EIPR1: variants seen among roughly 807,000 people sequenced by gnomAD.
EIPR1 encodes the protein EARP and GARP complex-interacting protein 1.
A neutral mutation model predicts 48.1 loss-of-function variants in EIPR1; 25 were observed. The observed-to-expected ratio is 0.52, with a 90% CI of 0.38 to 0.73. The LOEUF (loss-of-function observed/expected upper bound fraction) is 0.73, where lower values mean the gene tolerates loss of function less well. Ranked by LOEUF, EIPR1 falls within the 30% of genes least tolerant of loss-of-function variation. EIPR1 has a pLI of 0.00. For synonymous variants in EIPR1, 204 were observed against 201.9 expected (o/e 1.01, Z -0.09); for missense variants, 415 against 506.2 (o/e 0.82, Z 1.73).
rs33999546 is a variant in EIPR1, at chr2:3,306,959, A to AT, written c.259+31057dup. On this transcript the variant is annotated intron_variant, in intron 3 of 8. Transcript: ENST00000382125. The stretch of plus-strand genomic sequence containing the variant: ...TACGGTTTCAAACTCCAATCTTTTT[A>AT]TTTTTTTTTTAATTTATTTATTTTT... Among the ~76,000 whole-genome samples the AT allele has an allele frequency of 1.3e-3, 202 of 150,268 alleles. 1 individual carries two copies. The highest frequency in any genetic ancestry group is 4.0e-3 in the African/African-American group (165 of 40,912).
At chr2:3,269,480 G>GTCATCGCACTCAATCATCGCACTCAA (rs77134754) in intron 3 of EIPR1, among the ~76,000 whole-genome samples, 2,067 of 30,874 alleles carry the variant, frequency 0.067, 293 homozygotes, top group East Asian at 0.088. Flanking sequence ...ATCGCACTCA[G>GTCATCGCACTCAATCATCGCACTCAA]TCATCGCACT....
At chr2:3,318,605 A>G (rs1227193526) in intron 3 of EIPR1, among the ~76,000 whole-genome samples, 2 of 152,196 alleles carry the variant, frequency 1.3e-5, no homozygotes, top group Non-Finnish European at 2.9e-5. Flanking sequence ...CCTCATTTCC[A>G]TAACACAACT....
intron 1 of EIPR1, among the ~76,000 whole-genome samples, chr2:3,363,460 C>A (rs1469072181): frequency 6.6e-6 from 1 of 152,144 alleles, no homozygotes; most frequent in Non-Finnish European, 1.5e-5. Flanking sequence ...CTGACGGAGG[C>A]CAAGGTGGGC....
intron 4 of EIPR1, among the ~76,000 whole-genome samples, chr2:3,244,712 G>A (rs1666742345): frequency 6.6e-6 from 1 of 152,174 alleles, no homozygotes; most frequent in Non-Finnish European, 1.5e-5. Context: ...CCTTGATCGT[G>A]GACTTCCCAA....
intron 1 of EIPR1, among the ~76,000 whole-genome samples, chr2:3,356,440 C>T (rs1295610159): frequency 6.6e-6 from 1 of 152,102 alleles, no homozygotes; most frequent in Non-Finnish European, 1.5e-5. Flanking sequence ...GAATCTGAGG[C>T]TTAGAGGAAA....
intron 3 of EIPR1, among the ~76,000 whole-genome samples, chr2:3,311,013 T>C: frequency 6.6e-6 from 1 of 152,202 alleles, no homozygotes; most frequent in East Asian, 1.9e-4. Context: ...GTCTCTGAAC[T>C]TCCTATTTTC....
At position 3,241,359 on chromosome 2, in the gene EIPR1, T is replaced by G. The variant is rs571678638; in HGVS notation, c.416+15940A>C. Among the ~76,000 whole-genome samples, 4 of 152,366 alleles carry G rather than the reference T, an allele frequency of 2.6e-5. No individual in the cohort carries two copies. The South Asian group carries it at 8.3e-4, about 32-fold the overall frequency. On this transcript the variant is annotated intron_variant, in intron 4 of 8. Transcript: ENST00000382125. ...TCACTATTTATCCATGGGTGATACA[T>G]CTGGAAATAACTGCTGTTATTTTAT...
chr2:3,377,281 C>G (rs530516771), intron 1 of EIPR1: 25 of 249,954 alleles, frequency 1.0e-4, no homozygotes, highest in African/African-American at 5.3e-4. Flanking sequence ...TAAATTGTTT[C>G]AAAATCAAAC....
chr2:3,295,972 T>TAC (rs1668568430), intron 3 of EIPR1, among the ~76,000 whole-genome samples: 2 of 62,088 alleles, frequency 3.2e-5, no homozygotes, highest in African/African-American at 6.6e-5. Flanking sequence ...ATCCTCTCTC[T>TAC]GCACACACAC....
At chr2:3,327,263 A>C (rs1669725696) in intron 3 of EIPR1, among the ~76,000 whole-genome samples, 1 of 152,178 alleles carries the variant, frequency 6.6e-6, no homozygotes, top group African/African-American at 2.4e-5. Context: ...AGCCTACTGC[A>C]ACCGCCACCT....
chr2:3,189,529 A>G lies in EIPR1; in HGVS notation c.990-21T>C. On this transcript the variant is annotated intron_variant, in intron 8 of 8. Coordinates refer to ENST00000382125, the MANE Select transcript of EIPR1 (RefSeq NM_003310.5). The surrounding 1 kb of genome is among the most constrained non-coding windows in gnomAD (Gnocchi z 4.6). The stretch of plus-strand genomic sequence containing the variant: ...TGCTCCTGCAATGCAACAGAGGCAG[A>G]CGTGAGCGCAGCAGCTCCGGCGGGG... 1 of 1,532,614 alleles carries G rather than the reference A, an allele frequency of 6.5e-7. No individual in the cohort carries two copies. The allele number at this position is 1,532,614 out of a possible 1,614,324, so 94.9% of individuals were successfully genotyped here. A position where few individuals can be genotyped will look rare whatever the true frequency, so the allele number is the denominator to read the frequency against.
intron 5 of EIPR1, chr2:3,208,839 CTG>C (rs1331522600): frequency 3.9e-6 from 6 of 1,550,398 alleles, no homozygotes; most frequent in Non-Finnish European, 3.5e-6. Context: ...GTGCAGGTGT[CTG>C]GGGCCATCCC....
At chr2:3,256,985 G>A (rs1667176252) in intron 4 of EIPR1, among the ~76,000 whole-genome samples, 1 of 152,218 alleles carries the variant, frequency 6.6e-6, no homozygotes, top group Non-Finnish European at 1.5e-5. Flanking sequence ...TGCTGACCAA[G>A]CTGAAAAGCC....
chr2:3,365,447 G>A (rs1355487715), intron 1 of EIPR1, among the ~76,000 whole-genome samples: 2 of 151,770 alleles, frequency 1.3e-5, no homozygotes, highest in African/African-American at 4.8e-5. Context: ...ACTACAGCCT[G>A]GTCAACAGAG....
chr2:3,239,294 C>G (rs1207536760), intron 4 of EIPR1, among the ~76,000 whole-genome samples: 1 of 152,172 alleles, frequency 6.6e-6, no homozygotes, highest in East Asian at 1.9e-4. Flanking sequence ...GAAAAGCAAA[C>G]AAAACCCCAC....
chr2:3,360,704 C>T (rs975691068), intron 1 of EIPR1, among the ~76,000 whole-genome samples: 15 of 152,170 alleles, frequency 9.9e-5, no homozygotes, highest in African/African-American at 3.6e-4. Context: ...GGTAGCAAAC[C>T]GTGTCCATTA....
intron 4 of EIPR1, among the ~76,000 whole-genome samples, chr2:3,235,447 C>CGT (rs1558241307): frequency 7.0e-5 from 2 of 28,546 alleles, no homozygotes; most frequent in African/African-American, 1.2e-4. Flanking sequence ...CACGCGTGCG[C>CGT]GCACACACAC....
intron 3 of EIPR1, among the ~76,000 whole-genome samples, chr2:3,314,399 A>G (rs1338171137): frequency 6.6e-6 from 1 of 152,036 alleles, no homozygotes; most frequent in African/African-American, 2.4e-5. Flanking sequence ...ATCATTTTAC[A>G]TTTATTCTCC....
intron 1 of EIPR1, among the ~76,000 whole-genome samples, chr2:3,361,697 C>T (rs1030065026): frequency 4.7e-5 from 7 of 150,322 alleles, no homozygotes; most frequent in Admixed American, 1.3e-4. Context: ...CAGCCCCAAT[C>T]CTGCCCTTGG....
Sources: allele counts gnomAD v4.1 joint callset (sites outside exome capture counted in the v4.1 genomes callset), GRCh38; gene constraint gnomAD v4.1.1; non-coding constraint Gnocchi (gnomAD v3.1); transcripts MANE v1.5; gene names NCBI Gene and HGNC (gene_info 2026-07-23, HGNC 2026-07-21).